AIDA: variants seen among roughly 807,000 people sequenced by gnomAD.
AIDA encodes axin interactor, dorsalization associated.
A neutral mutation model predicts 42.7 loss-of-function variants in AIDA; 18 were observed. The ratio of observed to expected loss-of-function variants is 0.42; its 90% CI spans 0.29 to 0.63. The LOEUF (loss-of-function observed/expected upper bound fraction) is 0.63. AIDA is among the 20% of genes least tolerant of loss of function. The pLI, the probability that AIDA is intolerant of heterozygous loss-of-function variation, is 0.19. For synonymous variants in AIDA, 104 were observed against 122.9 expected (o/e 0.85, Z 1.02); for missense variants, 250 against 354.1 (o/e 0.71, Z 2.36).
intron 2 of AIDA, among the ~76,000 whole-genome samples, chr1:222,700,951 A>C (rs1655673677): frequency 1.7e-5 from 2 of 119,760 alleles, no homozygotes; most frequent in Admixed American, 1.0e-4. Context: ...TATACGATAG[A>C]CTCATTTCTT....
intron 4 of AIDA, among the ~76,000 whole-genome samples, chr1:222,689,847 A>G (rs1043791492): frequency 6.6e-6 from 1 of 151,406 alleles, no homozygotes; most frequent in African/African-American, 2.4e-5. Context: ...CTTCATATCC[A>G]CTTATCACTC....
chr1:222,678,099 C>T (rs1277841008), intron 6 of AIDA, among the ~76,000 whole-genome samples: 1 of 151,978 alleles, frequency 6.6e-6, no homozygotes, highest in Non-Finnish European at 1.5e-5. Context: ...TCCCTGTTGT[C>T]TCAGCAACAG....
At position 222,668,454 on chromosome 1, in the gene AIDA, G is replaced by A. The variant is rs34122264; in HGVS notation, c.*1439C>T. On this transcript the variant is annotated 3_prime_UTR_variant, in exon 10 of 10. Transcript: ENST00000340020. ...TTTGGAATTAATCCAATCAAGATGA[G>A]AGACAAGACTAAATTTGGCTGAGAA... 8.1e-5 allele frequency: 6 copies of A among 73,774 alleles called. No individual in the cohort carries two copies. Among genetic ancestry groups the A allele is most frequent in the Non-Finnish European group, 1.6e-4 (6 of 37,694 alleles). 4.6% of individuals were successfully genotyped at this position (73,774 alleles called of 1,614,324 possible).
intron 6 of AIDA, among the ~76,000 whole-genome samples, chr1:222,676,791 G>T (rs528594800): frequency 6.6e-6 from 1 of 151,960 alleles, no homozygotes; most frequent in African/African-American, 2.4e-5. Context: ...GAGTACCAGG[G>T]ACTACAGGCA....
intron 6 of AIDA, among the ~76,000 whole-genome samples, chr1:222,685,469 T>G (rs953700476): frequency 2.0e-5 from 3 of 152,198 alleles, no homozygotes; most frequent in Non-Finnish European, 4.4e-5. Context: ...TCAAGGAGTA[T>G]TCAAAATACT....
At chr1:222,703,921 C>G (rs1655776394) in intron 1 of AIDA, among the ~76,000 whole-genome samples, 1 of 151,994 alleles carries the variant, frequency 6.6e-6, no homozygotes, top group Non-Finnish European at 1.5e-5. Context: ...AAAAGTCAAC[C>G]CTCTTACAAA....
At position 222,693,861 on chromosome 1, in the gene AIDA, A is replaced by G; in HGVS notation, c.235-18T>C. On this transcript the variant is annotated intron_variant, in intron 3 of 9. Transcript: ENST00000340020. ...TGTGTGGACTAAATTTAAAATAAGC[A>G]TATTACATCTTTTCACTACAAGGAT... 1 of 1,590,468 alleles carries G rather than the reference A, an allele frequency of 6.3e-7. No homozygotes were observed. The highest frequency in any genetic ancestry group is 1.3e-5 in the African/African-American group (1 of 74,568).
At chr1:222,681,566 C>T (rs751040248) in intron 6 of AIDA, among the ~76,000 whole-genome samples, 5 of 151,984 alleles carry the variant, frequency 3.3e-5, no homozygotes, top group South Asian at 2.1e-4. Context: ...GGGAGGCTGA[C>T]GCAGGAGAAT....
At chr1:222,685,391 C>G (rs916096191) in intron 6 of AIDA, among the ~76,000 whole-genome samples, 1 of 152,146 alleles carries the variant, frequency 6.6e-6, no homozygotes, top group Non-Finnish European at 1.5e-5. Context: ...ATTGGCAGAG[C>G]CCAGACTCAA....
intron 8 of AIDA, among the ~76,000 whole-genome samples, chr1:222,672,079 T>A (rs916453615): frequency 6.6e-6 from 1 of 152,204 alleles, no homozygotes; most frequent in Admixed American, 6.5e-5. Context: ...TAAGTTAAAA[T>A]GTTTGTAAAC....
At chr1:222,686,677 A>G (rs1173074862) in intron 6 of AIDA, among the ~76,000 whole-genome samples, 1 of 152,164 alleles carries the variant, frequency 6.6e-6, no homozygotes, top group Admixed American at 6.5e-5. Flanking sequence ...TATGAATACA[A>G]CTACATAGTG....
intron 5 of AIDA, 126 bp downstream of exon 5, chr1:222,687,469 A>G: frequency 1.2e-6 from 1 of 822,780 alleles, no homozygotes; most frequent in Non-Finnish European, 1.8e-6. Context: ...AAATGCTGAT[A>G]TACTGTTATC....
rs139938321 is a variant in AIDA at position 222,701,335 on chromosome 1, G to GA, written c.180+1812dup. ...TTTATATTTGAGGTCATTTGGCTCAGAAGTCCTATACCTCAGCAATATATG... is the reference window on the plus strand; with the variant it reads ...TTTATATTTGAGGTCATTTGGCTCAGAAAGTCCTATACCTCAGCAATATATG... On this transcript the variant is annotated intron_variant, in intron 2 of 9. Coordinates refer to ENST00000340020, the MANE Select transcript of AIDA (RefSeq NM_022831.4). Among the ~76,000 whole-genome samples the GA allele has an allele frequency of 1.5e-3, 224 of 152,268 alleles. 6 individuals carry two copies. The South Asian group carries it at 0.021, about 14-fold the overall frequency.
chr1:222,693,752 A>G (rs774439398), intron 4 of AIDA, 37 bp downstream of exon 4: 41 of 1,514,568 alleles, frequency 2.7e-5, no homozygotes, highest in Non-Finnish European at 3.5e-5. Flanking sequence ...TTATTTTTCC[A>G]AAGGAGTATC....
chr1:222,710,781 C>T (rs1280981454), intron 1 of AIDA, among the ~76,000 whole-genome samples: 1 of 152,136 alleles, frequency 6.6e-6, no homozygotes, highest in Non-Finnish European at 1.5e-5. Context: ...ATCTGTTTAA[C>T]CTGAGCTTCA....
At chr1:222,691,585 T>A (rs1232409341) in intron 4 of AIDA, among the ~76,000 whole-genome samples, 1 of 151,404 alleles carries the variant, frequency 6.6e-6, no homozygotes, top group Non-Finnish European at 1.5e-5. Flanking sequence ...AGCACTATTT[T>A]TAAAAAAAAA....
chr1:222,670,022 A>G (rs1267471122), intron 9 of AIDA, 33 bp from the exon 10 acceptor site: 1 of 1,613,548 alleles, frequency 6.2e-7, no homozygotes, highest in South Asian at 1.1e-5. Context: ...ATTGTTTAAA[A>G]TACATTGATA....
intron 2 of AIDA, among the ~76,000 whole-genome samples, chr1:222,697,046 G>A (rs1485584562): frequency 2.0e-5 from 3 of 151,920 alleles, no homozygotes; most frequent in Admixed American, 1.3e-4. Flanking sequence ...AGGCTCAAGC[G>A]ATTCTCCTGC....
intron 6 of AIDA, among the ~76,000 whole-genome samples, chr1:222,686,337 T>C (rs1655180719): frequency 6.6e-6 from 1 of 152,204 alleles, no homozygotes; most frequent in Non-Finnish European, 1.5e-5. Context: ...GAATGGTCAC[T>C]GTGCCTAAAC....
Sources: allele counts gnomAD v4.1 joint callset (sites outside exome capture counted in the v4.1 genomes callset), GRCh38; gene constraint gnomAD v4.1.1; transcripts MANE v1.5; gene names NCBI Gene and HGNC (gene_info 2026-07-23, HGNC 2026-07-21).